PGR: variants seen among roughly 807,000 people sequenced by gnomAD.
PGR encodes the protein progesterone receptor.
In PGR, 25 loss-of-function variants were observed where a neutral mutation model predicts 76.1. That is an observed-to-expected ratio of 0.33 (90% CI 0.24 to 0.46). The LOEUF (loss-of-function observed/expected upper bound fraction) is 0.46, where lower values mean the gene tolerates loss of function less well. Ranked by LOEUF, PGR falls within the 20% of genes least tolerant of loss-of-function variation. The pLI is 1.00. For synonymous variants in PGR, 579 were observed against 535.0 expected (o/e 1.08, Z -1.14); for missense variants, 1,172 against 1,225.3 (o/e 0.96, Z 0.65).
chr11:101,098,235 A>G (rs1861895175), intron 2 of PGR, among the ~76,000 whole-genome samples: 1 of 152,178 alleles, frequency 6.6e-6, no homozygotes, highest in Non-Finnish European at 1.5e-5. Context: ...AAATATCTTT[A>G]TTAGAAACAA....
At chr11:101,095,240 A>G (rs1398541497) in intron 2 of PGR, among the ~76,000 whole-genome samples, 1 of 152,194 alleles carries the variant, frequency 6.6e-6, no homozygotes, top group Non-Finnish European at 1.5e-5. Context: ...CTATATCCCA[A>G]CACTATTTAC....
At chr11:101,041,921 T>C in intron 7 of PGR, 24 bp downstream of exon 7, 1 of 1,593,504 alleles carries the variant, frequency 6.3e-7, no homozygotes. Context: ...ATCATTGATA[T>C]TCTGGAATCA....
chr11:101,044,700 C>CTTTTTTTTT (rs34361620), intron 6 of PGR, among the ~76,000 whole-genome samples: 1 of 75,846 alleles, frequency 1.3e-5, no homozygotes, highest in Non-Finnish European at 2.5e-5. Flanking sequence ...GGCCTAATTG[C>CTTTTTTTTT]TTTTTTTTTT....
At chr11:101,053,974 C>A (rs1315918489) in intron 4 of PGR, among the ~76,000 whole-genome samples, 3 of 152,232 alleles carry the variant, frequency 2.0e-5, no homozygotes, top group East Asian at 1.9e-4. Context: ...GGAACATATA[C>A]TAACAGGAAT....
chr11:101,121,811 A>T (rs1322577310), intron 2 of PGR, among the ~76,000 whole-genome samples: 1 of 152,210 alleles, frequency 6.6e-6, no homozygotes, highest in Non-Finnish European at 1.5e-5. Flanking sequence ...CAGGTACTCA[A>T]TAAATACATG....
At chr11:101,102,323 G>T (rs552871875) in intron 2 of PGR, among the ~76,000 whole-genome samples, 1 of 152,296 alleles carries the variant, frequency 6.6e-6, no homozygotes. Context: ...AGATGTTCTT[G>T]TCCTTAGGAC....
At chr11:101,072,022 A>G (rs1225228318) in intron 3 of PGR, among the ~76,000 whole-genome samples, 3 of 152,074 alleles carry the variant, frequency 2.0e-5, no homozygotes, top group Admixed American at 2.0e-4. Flanking sequence ...AAGACACATA[A>G]CTGTCAGATT....
intron 3 of PGR, among the ~76,000 whole-genome samples, chr11:101,087,255 T>C (rs1861528569): frequency 6.6e-6 from 1 of 151,990 alleles, no homozygotes; most frequent in Non-Finnish European, 1.5e-5. Flanking sequence ...TGGAACAGAA[T>C]ATAGAACCCA....
intron 3 of PGR, among the ~76,000 whole-genome samples, chr11:101,088,457 A>T (rs1352122548): frequency 6.6e-6 from 1 of 151,980 alleles, no homozygotes; most frequent in African/African-American, 2.4e-5. Flanking sequence ...TCAGCCTCCC[A>T]AGTAGGTGGG....
intron 2 of PGR, among the ~76,000 whole-genome samples, chr11:101,104,969 G>A (rs188277329): frequency 1.3e-5 from 2 of 152,234 alleles, no homozygotes; most frequent in East Asian, 3.9e-4. Context: ...ACTCATGGAA[G>A]CTGGAAGCTG....
intron 4 of PGR, among the ~76,000 whole-genome samples, chr11:101,053,247 A>C (rs1860159721): frequency 6.6e-6 from 1 of 152,196 alleles, no homozygotes; most frequent in Admixed American, 6.6e-5. Context: ...TCAAGAGCAA[A>C]AGAAAGTTAT....
intron 2 of PGR, among the ~76,000 whole-genome samples, chr11:101,113,950 GC>G (rs112636360): frequency 1.3e-5 from 2 of 151,470 alleles, no homozygotes; most frequent in Non-Finnish European, 2.9e-5. Flanking sequence ...ACTTTCATCC[GC>G]CCCCCCATCC....
chr11:101,048,904 T>C (rs11224572), intron 6 of PGR, among the ~76,000 whole-genome samples: 17,423 of 151,988 alleles, frequency 0.11, 1,298 homozygotes, highest in Non-Finnish European at 0.16. Flanking sequence ...AAACACAAGG[T>C]ACAGTTCTCT....
At position 101,106,449 on chromosome 11, in the gene PGR, G is replaced by A. The variant is rs572019839; in HGVS notation, c.1790-14573C>T. 1.3e-3 allele frequency among the ~76,000 whole-genome samples: 205 copies of A among 152,146 alleles called. 1 individual carries two copies. Among genetic ancestry groups the A allele is most frequent in the Admixed American group, 0.011 (171 of 15,284 alleles). On this transcript the variant is annotated intron_variant, in intron 2 of 7. Transcript: ENST00000325455. ...CTCAAAAAAAGACATTTATGCAGCC[G>A]ACAGACATGAAAAAATGCTCATCAT...
intron 2 of PGR, among the ~76,000 whole-genome samples, chr11:101,109,059 C>T (rs1001561234): frequency 1.3e-5 from 2 of 152,088 alleles, no homozygotes; most frequent in African/African-American, 2.4e-5. Context: ...CAAACCTTGC[C>T]CATGTAAGAC....
intron 3 of PGR, among the ~76,000 whole-genome samples, chr11:101,080,639 G>A (rs1861275304): frequency 6.6e-6 from 1 of 152,076 alleles, no homozygotes. Context: ...CCCTAACCAA[G>A]ATGGAAACTC....
intron 3 of PGR, among the ~76,000 whole-genome samples, chr11:101,075,837 T>G (rs1205374029): frequency 1.7e-4 from 26 of 152,072 alleles, no homozygotes; most frequent in Admixed American, 1.7e-3. Context: ...GGAAAAGATG[T>G]GGAGAAATAG....
chr11:101,053,733 T>A (rs1027599444), intron 4 of PGR, among the ~76,000 whole-genome samples: 1 of 149,704 alleles, frequency 6.7e-6, no homozygotes, highest in Admixed American at 6.7e-5. Context: ...CTTCCCTCTC[T>A]TTCTTCCTTT....
chr11:101,125,933 G>A (rs763819949), intron 2 of PGR, 74 bp downstream of exon 2: 29 of 1,251,052 alleles, frequency 2.3e-5, no homozygotes, highest in Non-Finnish European at 2.3e-5. Flanking sequence ...AGGAATAATT[G>A]AAATCTATAC....
Sources: gnomAD v4.1 joint callset for allele counts (sites outside exome capture counted in the v4.1 genomes callset) on GRCh38, gnomAD v4.1.1 for gene constraint, MANE v1.5 for transcripts, NCBI Gene and HGNC (gene_info 2026-07-23, HGNC 2026-07-21) for gene names.